DOCK3: variants seen among roughly 807,000 people sequenced by gnomAD.
The protein encoded by DOCK3 is dedicator of cytokinesis protein 3.
DOCK3 carries 60 observed loss-of-function variants against 265.6 expected under a neutral mutation model. That is an observed-to-expected ratio of 0.23 (90% CI 0.18 to 0.28). The LOEUF (loss-of-function observed/expected upper bound fraction) is 0.28. Among genes scored for constraint, DOCK3 ranks in the 10% least tolerant of loss-of-function variants. The pLI is 1.00. For synonymous variants in DOCK3, 881 were observed against 938.0 expected (o/e 0.94, Z 1.11); for missense variants, 1,981 against 2,594.3 (o/e 0.76, Z 5.14).
intron 22 of DOCK3, among the ~76,000 whole-genome samples, chr3:51,252,352 C>T (rs958949893): frequency 3.3e-5 from 5 of 152,252 alleles, no homozygotes; most frequent in South Asian, 4.1e-4. Flanking sequence ...CAGGCTCTTT[C>T]TTGGTTCCAT....
rs145018112 is a variant in DOCK3 at position 50,818,627 on chromosome 3, T to C, written c.122-23048T>C. On this transcript the variant is annotated intron_variant, in intron 2 of 52. Transcript: ENST00000266037. Reference sequence around the variant, plus strand: ...GGAAGAAGTCAGGTGCAGGGTATTATGGTTACTACACAGATGGTCTGAGCT... The same window carrying C: ...GGAAGAAGTCAGGTGCAGGGTATTACGGTTACTACACAGATGGTCTGAGCT... Among the ~76,000 whole-genome samples the C allele has an allele frequency of 1.7e-3, 264 of 152,324 alleles. 1 individual carries two copies. Among genetic ancestry groups the C allele is most frequent in the African/African-American group, 5.9e-3 (246 of 41,578 alleles).
chr3:51,268,462 G>A (rs535107832), intron 23 of DOCK3, among the ~76,000 whole-genome samples: 2 of 152,280 alleles, frequency 1.3e-5, no homozygotes, highest in Non-Finnish European at 2.9e-5. Flanking sequence ...GAATTTTTAT[G>A]TAATAGTGTA....
intron 27 of DOCK3, among the ~76,000 whole-genome samples, chr3:51,288,837 T>C (rs1435881550): frequency 6.6e-6 from 1 of 152,050 alleles, no homozygotes; most frequent in Non-Finnish European, 1.5e-5. Context: ...TTTTATTTTT[T>C]ATTTCCTAAG....
intron 40 of DOCK3, 41 bp downstream of exon 40, chr3:51,350,433 C>T (rs368246275): frequency 8.5e-5 from 134 of 1,582,646 alleles, no homozygotes; most frequent in African/African-American, 2.2e-4. Flanking sequence ...ATATATTTTA[C>T]GCATAATTCA....
chr3:51,248,636 G>A (rs6792439), intron 22 of DOCK3, among the ~76,000 whole-genome samples: 123,343 of 150,472 alleles, frequency 0.82, 51,108 homozygotes, highest in Middle Eastern at 0.89. Flanking sequence ...AGTGAGGAGC[G>A]TCTCCGCCTG....
chr3:50,779,368 T>A (rs573596990), intron 2 of DOCK3, among the ~76,000 whole-genome samples: 3 of 152,056 alleles, frequency 2.0e-5, no homozygotes, highest in Non-Finnish European at 2.9e-5. Flanking sequence ...GGTCCTCAAA[T>A]TTTTTTTAAT....
At chr3:50,913,510 G>T (rs2049967870) in intron 4 of DOCK3, among the ~76,000 whole-genome samples, 1 of 152,060 alleles carries the variant, frequency 6.6e-6, no homozygotes. Flanking sequence ...TCTGGGCCCA[G>T]TTCAGCACTC....
At chr3:50,776,347 A>AT (rs535261634) in intron 1 of DOCK3, among the ~76,000 whole-genome samples, 4 of 150,428 alleles carry the variant, frequency 2.7e-5, no homozygotes, top group South Asian at 2.1e-4. Flanking sequence ...GATATTGAGC[A>AT]TTTTTTTTCA....
chr3:51,049,325 CAGAA>C lies in DOCK3; in HGVS notation c.316-15097_316-15094del, dbSNP rs112074555. Among the ~76,000 whole-genome samples the C allele has an allele frequency of 6.2e-3, 932 of 150,586 alleles. 5 individuals are homozygous for C. Among genetic ancestry groups the C allele is most frequent in the Non-Finnish European group, 0.011 (714 of 67,718 alleles). On this transcript the variant is annotated intron_variant, in intron 5 of 52. Coordinates refer to ENST00000266037, the MANE Select transcript of DOCK3 (RefSeq NM_004947.5). Reference sequence around the variant, plus strand: ...TGGGTGAAAGAGTGAGACCGTGTCTCAGAAAGAAAGAAAGAAAGAAAGAAAGAAA... The same window carrying C: ...TGGGTGAAAGAGTGAGACCGTGTCTCAGAAAGAAAGAAAGAAAGAAAGAAA...
intron 35 of DOCK3, chr3:51,336,796 A>G (rs911751307): frequency 2.2e-6 from 1 of 446,560 alleles, no homozygotes; most frequent in Non-Finnish European, 4.5e-6. Flanking sequence ...GGACTTAGCT[A>G]TGAAGTTCTG....
At chr3:51,277,562 AG>A in intron 25 of DOCK3, 45 bp from the exon 26 acceptor site, 1 of 1,494,050 alleles carries the variant, frequency 6.7e-7, no homozygotes, top group African/African-American at 1.4e-5. Context: ...GCTGTACTTC[AG>A]CCTGGCTTGC....
rs537345875 is a variant in DOCK3 at position 51,367,343 on chromosome 3, G to T, written c.5293+4669G>T. On this transcript the variant is annotated intron_variant, in intron 49 of 52. Coordinates refer to ENST00000266037, the MANE Select transcript of DOCK3 (RefSeq NM_004947.5). ...TTTTTTTTTGTTTTCCATTTGCTTGGTAGATCTTCCTCCATCCCTTTCTTT... is the reference window on the plus strand; with the variant it reads ...TTTTTTTTTGTTTTCCATTTGCTTGTTAGATCTTCCTCCATCCCTTTCTTT... Among the ~76,000 whole-genome samples, 9 of 152,024 alleles carry T rather than the reference G, an allele frequency of 5.9e-5. No individual in the cohort carries two copies. In the South Asian group the frequency reaches 1.9e-3, roughly 32 times the overall value.
intron 1 of DOCK3, among the ~76,000 whole-genome samples, chr3:50,695,742 G>A (rs569708472): frequency 1.7e-4 from 26 of 152,340 alleles, no homozygotes; most frequent in African/African-American, 6.0e-4. Flanking sequence ...TGGTCACTCA[G>A]TGCTCCTGGG....
At chr3:51,161,422 C>T (rs199759580) in intron 12 of DOCK3, among the ~76,000 whole-genome samples, 2 of 148,010 alleles carry the variant, frequency 1.4e-5, no homozygotes, top group East Asian at 2.0e-4. Flanking sequence ...CCAGCCTGGG[C>T]AACAGAGTGA....
intron 1 of DOCK3, among the ~76,000 whole-genome samples, chr3:50,723,119 G>A (rs934048835): frequency 6.6e-6 from 1 of 152,106 alleles, no homozygotes; most frequent in Non-Finnish European, 1.5e-5. Flanking sequence ...AAAGAACCAC[G>A]TGAAAATTTT....
At chr3:51,310,629 T>G (rs1001910491) in intron 28 of DOCK3, among the ~76,000 whole-genome samples, 1 of 152,234 alleles carries the variant, frequency 6.6e-6, no homozygotes, top group Non-Finnish European at 1.5e-5. Context: ...ATCCCAAGCC[T>G]TCTTCTCAGT....
chr3:51,130,458 G>C (rs945138097), intron 9 of DOCK3, among the ~76,000 whole-genome samples: 3 of 152,228 alleles, frequency 2.0e-5, no homozygotes, highest in African/African-American at 7.2e-5. Context: ...CCAGGTACCA[G>C]GAGATGTGTT....
intron 19 of DOCK3, among the ~76,000 whole-genome samples, chr3:51,231,557 C>T (rs923902700): frequency 7.9e-5 from 12 of 152,066 alleles, no homozygotes; most frequent in Non-Finnish European, 1.5e-4. Flanking sequence ...TATTGTATGT[C>T]TTCTTTTGAG....
intron 5 of DOCK3, among the ~76,000 whole-genome samples, chr3:50,936,385 T>A (rs2051363273): frequency 6.6e-6 from 1 of 151,264 alleles, no homozygotes; most frequent in African/African-American, 2.4e-5. Context: ...AAAAAAAATT[T>A]TTTTTTTTTT....
Sources: allele counts gnomAD v4.1 joint callset (sites outside exome capture counted in the v4.1 genomes callset), GRCh38; gene constraint gnomAD v4.1.1; transcripts MANE v1.5; gene names NCBI Gene and HGNC (gene_info 2026-07-23, HGNC 2026-07-21).